Variants in RARB observed in about 807,000 individuals in gnomAD.
RARB encodes retinoic acid receptor beta.
RARB carries 17 observed loss-of-function variants against 51.9 expected under a neutral mutation model. That is an observed-to-expected ratio of 0.33 (90% CI 0.22 to 0.49). The LOEUF is 0.49. RARB is among the 20% of genes least tolerant of loss of function. RARB has a pLI of 0.99. For synonymous variants in RARB, 215 were observed against 195.4 expected (o/e 1.10, Z -0.84); for missense variants, 369 against 550.8 (o/e 0.67, Z 3.30).
rs140571597 is a variant in RARB at position 25,228,356 on chromosome 3, G to A, written c.178+53781G>A. On this transcript the variant is annotated intron_variant, in intron 5 of 11. Coordinates refer to the RARB transcript ENST00000383772. ...GCATTTATGTTATTTTCTCATGTCT[G>A]TCCTTGTCATTGCCTCTCTTTTTAG... is the stretch of plus-strand genomic sequence containing the variant. Among the ~76,000 whole-genome samples, 418 of 150,266 alleles carry A rather than the reference G, an allele frequency of 2.8e-3. 2 individuals carry two copies. The highest frequency in any genetic ancestry group is 9.8e-3 in the African/African-American group (403 of 40,916).
At chr3:25,141,875 C>T (rs1387470368) in intron 4 of RARB, among the ~76,000 whole-genome samples, 1 of 152,002 alleles carries the variant, frequency 6.6e-6, no homozygotes, top group Non-Finnish European at 1.5e-5. Flanking sequence ...AAAATCAGGT[C>T]AGTAGGATAC....
chr3:25,277,344 C>T (rs1475866512), intron 5 of RARB, among the ~76,000 whole-genome samples: 1 of 152,166 alleles, frequency 6.6e-6, no homozygotes, highest in African/African-American at 2.4e-5. Context: ...CATCCTAATC[C>T]ACTCCAGGAG....
chr3:25,228,273 A>G (rs916112923), intron 5 of RARB, among the ~76,000 whole-genome samples: 2 of 121,626 alleles, frequency 1.6e-5, no homozygotes, highest in Non-Finnish European at 3.3e-5. Flanking sequence ...TTTTAAGGAT[A>G]CTCTACTCTT....
chr3:25,247,360 C>T (rs1411277018), intron 5 of RARB, among the ~76,000 whole-genome samples: 7 of 152,156 alleles, frequency 4.6e-5, no homozygotes, highest in Admixed American at 4.6e-4. Context: ...CCAGGTGCCA[C>T]TGGGATACAA....
At chr3:24,912,278 G>A (rs186554822) in intron 2 of RARB, among the ~76,000 whole-genome samples, 133 of 152,252 alleles carry the variant, frequency 8.7e-4, no homozygotes, top group African/African-American at 3.0e-3. Flanking sequence ...TTATCTATCT[G>A]ATCTCGGGTA....
chr3:25,403,431 T>C (rs1378129668), intron 5 of RARB, among the ~76,000 whole-genome samples: 1 of 151,972 alleles, frequency 6.6e-6, no homozygotes, highest in Non-Finnish European at 1.5e-5. Flanking sequence ...ATTTAAAAAA[T>C]AAACAATAAA....
At chr3:25,349,520 T>C (rs1440864368) in intron 5 of RARB, among the ~76,000 whole-genome samples, 1 of 152,178 alleles carries the variant, frequency 6.6e-6, no homozygotes, top group African/African-American at 2.4e-5. Flanking sequence ...CAGAAACATA[T>C]TGTCCTCCTA....
chr3:25,278,546 TGTA>T (rs951210662), intron 5 of RARB, among the ~76,000 whole-genome samples: 1 of 152,208 alleles, frequency 6.6e-6, no homozygotes, highest in African/African-American at 2.4e-5. Context: ...TCTATGGATG[TGTA>T]GATTTTATTT....
intron 2 of RARB, among the ~76,000 whole-genome samples, chr3:25,018,109 T>C (rs940088378): frequency 1.3e-5 from 2 of 152,214 alleles, no homozygotes; most frequent in Non-Finnish European, 2.9e-5. Context: ...CCAAACAGAC[T>C]AAGACACTTG....
chr3:25,535,289 T>C (rs1161663718), intron 3 of RARB, among the ~76,000 whole-genome samples: 1 of 152,050 alleles, frequency 6.6e-6, no homozygotes, highest in Non-Finnish European at 1.5e-5. Flanking sequence ...TTGCTTGGAG[T>C]GATGTCAGGG....
In RARB at chr3:25,130,975, TTATTGATAATATTA is replaced by T. The variant is rs1699942358; in HGVS notation, c.-327-1184_-327-1171del. Reference sequence around the variant, plus strand: ...TTATTGATAATATTATCAATATTTATTATTGATAATATTATCAATATTTATTTATTATTTATCAA... The same window carrying T: ...TTATTGATAATATTATCAATATTTATTCAATATTTATTTATTATTTATCAA... On this transcript the variant is annotated intron_variant, in intron 3 of 11. Coordinates refer to the RARB transcript ENST00000383772. Among the ~76,000 whole-genome samples, 17 of 28,756 alleles carry T rather than the reference TTATTGATAATATTA, an allele frequency of 5.9e-4. No homozygotes were observed. The Admixed American group carries it at 9.3e-3, about 16-fold the overall frequency. The allele number at this position is 28,756 out of a possible 152,430, so 18.9% of individuals were successfully genotyped here.
intron 1 of RARB, among the ~76,000 whole-genome samples, chr3:25,436,714 C>G (rs1047853972): frequency 6.6e-6 from 1 of 152,170 alleles, no homozygotes; most frequent in Non-Finnish European, 1.5e-5. Flanking sequence ...TCTTCCAGAG[C>G]TTATCCTATC....
intron 2 of RARB, among the ~76,000 whole-genome samples, chr3:24,959,932 G>C (rs1302449938): frequency 2.6e-5 from 4 of 152,208 alleles, no homozygotes; most frequent in Non-Finnish European, 4.4e-5. Context: ...GAAGCTTGGA[G>C]ACTTATTCGA....
rs140085898 is a variant in RARB, at chr3:24,929,210, A to G, written c.-380+70458A>G. ...TTCAAATATTTCAAGAGGAAACAGAACAACAGGTTACTAATGGAACCTCCT... is the reference window on the plus strand; with the variant it reads ...TTCAAATATTTCAAGAGGAAACAGAGCAACAGGTTACTAATGGAACCTCCT... On this transcript the variant is annotated intron_variant, in intron 2 of 11. Coordinates refer to the RARB transcript ENST00000383772. 1.9e-3 allele frequency among the ~76,000 whole-genome samples: 295 copies of G among 152,258 alleles called. 1 individual carries two copies. The Middle Eastern group carries it at 0.024, about 12-fold the overall frequency.
intron 2 of RARB, among the ~76,000 whole-genome samples, chr3:25,046,556 G>C (rs946697391): frequency 2.0e-5 from 3 of 152,100 alleles, no homozygotes; most frequent in Non-Finnish European, 4.4e-5. Flanking sequence ...GGGTTCAAGT[G>C]ATTCTCCCAC....
intron 3 of RARB, among the ~76,000 whole-genome samples, chr3:25,093,355 G>A (rs1239713371): frequency 1.3e-5 from 2 of 152,116 alleles, no homozygotes; most frequent in African/African-American, 4.8e-5. Context: ...ATAACAGTGA[G>A]AAAATTATGG....
chr3:25,591,928 T>G (rs1159139971), intron 5 of RARB, among the ~76,000 whole-genome samples: 3 of 152,176 alleles, frequency 2.0e-5, no homozygotes, highest in Non-Finnish European at 4.4e-5. Flanking sequence ...CATGTGACCA[T>G]TGCAGTACAA....
chr3:24,961,919 CTTTTTTTTTT>C (rs35078496), intron 2 of RARB, among the ~76,000 whole-genome samples: 3 of 70,716 alleles, frequency 4.2e-5, no homozygotes, highest in African/African-American at 1.1e-4. Flanking sequence ...CTTTGGGTGT[CTTTTTTTTTT>C]TTTTTTTTTT....
intron 4 of RARB, among the ~76,000 whole-genome samples, chr3:25,155,176 C>CT (rs947607120): frequency 5.2e-4 from 79 of 152,034 alleles, no homozygotes; most frequent in Admixed American, 1.3e-3. Flanking sequence ...CTGCTCAATT[C>CT]TTTTTTTTGT....
Sources: allele counts gnomAD v4.1 joint callset (sites outside exome capture counted in the v4.1 genomes callset), GRCh38; gene constraint gnomAD v4.1.1; transcripts MANE v1.5; gene names NCBI Gene and HGNC (gene_info 2026-07-23, HGNC 2026-07-21).